CUL5: variants seen among roughly 807,000 people sequenced by gnomAD.
CUL5 encodes the protein cullin 5.
In CUL5, 26 loss-of-function variants were observed where a neutral mutation model predicts 108.8. The ratio of observed to expected loss-of-function variants is 0.24; its 90% confidence interval spans 0.18 to 0.33. CUL5 has a LOEUF of 0.33. CUL5 is among the 10% of genes least tolerant of loss of function. CUL5 has a pLI of 1.00. For missense variants in CUL5, 524 were observed against 909.2 expected (o/e 0.58, Z 5.45); for synonymous variants, 334 against 298.0 (o/e 1.12, Z -1.25).
intron 18 of CUL5, among the ~76,000 whole-genome samples, chr11:108,099,793 G>C (rs759015562): frequency 6.6e-6 from 1 of 151,816 alleles, no homozygotes; most frequent in Non-Finnish European, 1.5e-5. Context: ...GCCAGTTCTA[G>C]GTTTTCATAT....
At position 108,009,256 on chromosome 11, in the gene CUL5, T is replaced by C; in HGVS notation, c.-93T>C. On this transcript the variant is annotated 5_prime_UTR_variant, in exon 1 of 19. Transcript: ENST00000393094. Reference sequence around the variant, plus strand: ...CACCCTGGTGCGGGCCGACGGGCCCTGGGCCCTGGTGGGAGCTCCGGCCTC... The same window carrying C: ...CACCCTGGTGCGGGCCGACGGGCCCCGGGCCCTGGTGGGAGCTCCGGCCTC... 7.0e-7 allele frequency: 1 copy of C among 1,432,870 alleles called. No individual in the cohort carries two copies. The highest frequency in any genetic ancestry group is 9.8e-7 in the Non-Finnish European group (1 of 1,024,484). The allele number at this position is 1,432,870 out of a possible 1,614,324, so 88.8% of individuals were successfully genotyped here. A position where few individuals can be genotyped will look rare whatever the true frequency, so the allele number is the denominator to read the frequency against.
At chr11:108,078,589 T>G (rs561783455) in intron 11 of CUL5, among the ~76,000 whole-genome samples, 60 of 152,272 alleles carry the variant, frequency 3.9e-4, no homozygotes, top group African/African-American at 1.4e-3. Context: ...ATGTAAATTT[T>G]CCTATTACCG....
At chr11:108,060,813 C>T (rs572012479) in intron 7 of CUL5, among the ~76,000 whole-genome samples, 16 of 151,536 alleles carry the variant, frequency 1.1e-4, no homozygotes, top group African/African-American at 3.4e-4. Context: ...GCTTGGGCAA[C>T]GAGTGAAACT....
At chr11:108,055,226 A>G (rs559996381) in intron 7 of CUL5, among the ~76,000 whole-genome samples, 1 of 152,114 alleles carries the variant, frequency 6.6e-6, no homozygotes, top group South Asian at 2.1e-4. Flanking sequence ...GTTTTCTTTT[A>G]TTATGTTTTA....
chr11:108,033,740 C>A, intron 1 of CUL5, 62 bp from the exon 2 acceptor site: 1 of 1,031,246 alleles, frequency 9.7e-7, no homozygotes, highest in Non-Finnish European at 1.5e-6. Flanking sequence ...ATAAAAATTA[C>A]AGGATACTTT....
At chr11:108,073,089 C>T (rs1350776942) in intron 9 of CUL5, among the ~76,000 whole-genome samples, 4 of 151,608 alleles carry the variant, frequency 2.6e-5, no homozygotes, top group Admixed American at 1.3e-4. Context: ...ATAGTCCCAG[C>T]TACTTGGGAG....
intron 11 of CUL5, among the ~76,000 whole-genome samples, chr11:108,080,677 A>T (rs910188234): frequency 3.9e-5 from 6 of 152,116 alleles, no homozygotes; most frequent in African/African-American, 1.2e-4. Flanking sequence ...TACAGGCATG[A>T]GCCACCATGC....
At chr11:108,080,242 A>C (rs926675403) in intron 11 of CUL5, among the ~76,000 whole-genome samples, 15 of 150,208 alleles carry the variant, frequency 1.0e-4, no homozygotes, top group Non-Finnish European at 1.9e-4. Context: ...GACTATAAGC[A>C]CACACCACCA....
chr11:108,106,508 C>T lies in CUL5; in HGVS notation c.*2124C>T, dbSNP rs1038926284. 6.7e-6 allele frequency: 1 copy of T among 148,400 alleles called. No homozygotes were observed. Among genetic ancestry groups the T allele is most frequent in the Non-Finnish European group, 1.5e-5 (1 of 67,504 alleles). 9.2% of individuals were successfully genotyped at this position (148,400 alleles called of 1,614,324 possible). A position where few individuals can be genotyped will look rare whatever the true frequency, so the allele number is the denominator to read the frequency against. ...TCCTAATTGTATTTTGGGGAATGAA[C>T]AGCAGCAAATACTGTAAATGTACAG... On this transcript the variant is annotated 3_prime_UTR_variant, in exon 19 of 19. Coordinates refer to ENST00000393094, the MANE Select transcript of CUL5 (RefSeq NM_003478.6).
At chr11:108,028,483 CT>C (rs988052279) in intron 1 of CUL5, among the ~76,000 whole-genome samples, 3 of 152,178 alleles carry the variant, frequency 2.0e-5, no homozygotes, top group African/African-American at 7.2e-5. Context: ...AGTTTTAACC[CT>C]TGCCCCTTAT....
chr11:108,096,328 T>TTA (rs776737839), intron 16 of CUL5, among the ~76,000 whole-genome samples: 2 of 120,014 alleles, frequency 1.7e-5, no homozygotes, highest in South Asian at 2.7e-4. Flanking sequence ...ATCCCATCTC[T>TTA]AAAAAAAAAA....
At chr11:108,030,984 T>C (rs544291430) in intron 1 of CUL5, among the ~76,000 whole-genome samples, 1 of 152,320 alleles carries the variant, frequency 6.6e-6, no homozygotes, top group South Asian at 2.1e-4. Flanking sequence ...TTCAGTGTTA[T>C]AATTTCAGGG....
At chr11:108,063,102 C>G (rs1182376717) in intron 7 of CUL5, among the ~76,000 whole-genome samples, 1 of 152,172 alleles carries the variant, frequency 6.6e-6, no homozygotes, top group Non-Finnish European at 1.5e-5. Context: ...GGCTCAGCCT[C>G]CCAAAGTGCT....
intron 11 of CUL5, among the ~76,000 whole-genome samples, chr11:108,080,075 C>T (rs182594568): frequency 1.4e-3 from 212 of 150,104 alleles, no homozygotes; most frequent in Non-Finnish European, 2.4e-3. Flanking sequence ...TAATTCCCGT[C>T]TCCCTCATGA....
At position 108,018,592 on chromosome 11, in the gene CUL5, T is replaced by C. The variant is rs55837255; in HGVS notation, c.24+9220T>C. ...CAGGAGGCTGAGGCAGGAGAATCACTTGAACCCACGAGGCAGAGGTTGCAG... is the reference window on the plus strand; with the variant it reads ...CAGGAGGCTGAGGCAGGAGAATCACCTGAACCCACGAGGCAGAGGTTGCAG... On this transcript the variant is annotated intron_variant, in intron 1 of 18. Coordinates refer to ENST00000393094, the MANE Select transcript of CUL5 (RefSeq NM_003478.6). Among the ~76,000 whole-genome samples the C allele has an allele frequency of 5.7e-3, 864 of 152,072 alleles. 6 individuals are homozygous for C. The highest frequency in any genetic ancestry group is 0.019 in the African/African-American group (768 of 41,466).
chr11:108,013,649 A>G (rs1239728047), intron 1 of CUL5, among the ~76,000 whole-genome samples: 1 of 152,228 alleles, frequency 6.6e-6, no homozygotes, highest in East Asian at 1.9e-4. Flanking sequence ...AGAAGGCAGT[A>G]GTATATAACC....
intron 2 of CUL5, among the ~76,000 whole-genome samples, chr11:108,034,446 A>G (rs1164795726): frequency 6.6e-6 from 1 of 152,196 alleles, no homozygotes; most frequent in African/African-American, 2.4e-5. Context: ...AGGAAAGTGT[A>G]GGAAACTGTT....
chr11:108,090,710 T>C (rs925123004), intron 13 of CUL5, among the ~76,000 whole-genome samples: 32 of 152,308 alleles, frequency 2.1e-4, no homozygotes, highest in African/African-American at 7.5e-4. Context: ...TTTGTTTTAA[T>C]TATTAAAGTA....
At chr11:108,045,340 C>T (rs1399752811) in intron 2 of CUL5, among the ~76,000 whole-genome samples, 3 of 152,122 alleles carry the variant, frequency 2.0e-5, no homozygotes, top group Admixed American at 2.0e-4. Context: ...GCCCACAATC[C>T]CACCATTTTG....
Sources: allele counts gnomAD v4.1 joint callset (sites outside exome capture counted in the v4.1 genomes callset), GRCh38; gene constraint gnomAD v4.1.1; transcripts MANE v1.5; gene names NCBI Gene and HGNC (gene_info 2026-07-23, HGNC 2026-07-21).